The following FAM110B variants were observed in gnomAD, a reference collection of about 807,000 sequenced individuals.
The protein encoded by FAM110B is protein FAM110B.
Under a neutral mutation model 20.4 loss-of-function variants are expected in FAM110B, and 6 were observed. The ratio of observed to expected loss-of-function variants is 0.29; its 90% CI spans 0.16 to 0.58. FAM110B has a LOEUF of 0.58. Among genes scored for constraint, FAM110B ranks in the 20% least tolerant of loss-of-function variants. The pLI is 0.90. For missense variants in FAM110B, 434 were observed against 498.2 expected (o/e 0.87, Z 1.23); for synonymous variants, 226 against 214.1 (o/e 1.06, Z -0.49).
At chr8:58,003,110 G>A (rs1014345216) in intron 1 of FAM110B, among the ~76,000 whole-genome samples, 3 of 152,232 alleles carry the variant, frequency 2.0e-5, no homozygotes, top group Non-Finnish European at 4.4e-5. Context: ...CCTTTCAACA[G>A]TGTTTAGAGC....
At chr8:58,034,474 C>T (rs1805034476) in intron 2 of FAM110B, among the ~76,000 whole-genome samples, 1 of 152,202 alleles carries the variant, frequency 6.6e-6, no homozygotes, top group African/African-American at 2.4e-5. Context: ...GAGAGCCACA[C>T]TCCTCAGTGC....
intron 3 of FAM110B, among the ~76,000 whole-genome samples, chr8:58,077,913 G>A (rs1246967271): frequency 6.6e-6 from 1 of 152,198 alleles, no homozygotes; most frequent in African/African-American, 2.4e-5. Flanking sequence ...TTAAGTCAAT[G>A]TGTGCAAGTT....
Position 58,037,090 on chromosome 8 carries a change from G to C in FAM110B, c.-414+5387G>C, listed in dbSNP as rs1040648565. ...GTTTGAAAACATCAAAGTATTGATA[G>C]ACCCTTCATGTATTAATGCCGTTAA... is the stretch of plus-strand genomic sequence containing the variant. On this transcript the variant is annotated intron_variant, in intron 2 of 3. Transcript: ENST00000519262. Among the ~76,000 whole-genome samples, 5 of 152,088 alleles carry C rather than the reference G, an allele frequency of 3.3e-5. No homozygotes were observed. The South Asian group carries it at 8.3e-4, about 25-fold the overall frequency.
intron 3 of FAM110B, among the ~76,000 whole-genome samples, chr8:58,101,494 T>C (rs974034932): frequency 3.3e-5 from 5 of 152,196 alleles, no homozygotes; most frequent in African/African-American, 1.2e-4. Context: ...GCAGGTGAAC[T>C]CTCTAAACAT....
intron 2 of FAM110B, among the ~76,000 whole-genome samples, chr8:58,037,246 G>A (rs147778391): frequency 6.6e-6 from 1 of 152,010 alleles, no homozygotes; most frequent in African/African-American, 2.4e-5. Context: ...TTAGTGATTT[G>A]AGGTTTTATA....
rs530592139 is a variant in FAM110B at position 58,080,234 on chromosome 8, C to T, written c.-325+4611C>T. The stretch of plus-strand genomic sequence containing the variant: ...CTTTACAATATCAGGGTCATACATG[C>T]AACAGGAAAGTCGGTTGAGGGAAGT... On this transcript the variant is annotated intron_variant, in intron 3 of 3. Coordinates refer to ENST00000519262, the MANE Select transcript of FAM110B (RefSeq NM_001377989.1). Among the ~76,000 whole-genome samples the T allele has an allele frequency of 5.3e-5, 8 of 152,282 alleles. No homozygotes were observed. In the South Asian group the frequency reaches 1.7e-3, roughly 32 times the overall value.
At chr8:58,033,789 C>G (rs969880116) in intron 2 of FAM110B, among the ~76,000 whole-genome samples, 2 of 152,024 alleles carry the variant, frequency 1.3e-5, no homozygotes, top group African/African-American at 4.8e-5. Context: ...AGTGTTTTTT[C>G]ATCTGTCATT....
At chr8:58,087,697 G>A (rs1806372580) in intron 3 of FAM110B, among the ~76,000 whole-genome samples, 1 of 152,136 alleles carries the variant, frequency 6.6e-6, no homozygotes. Context: ...AAGGCTGATG[G>A]GGATTGAGAT....
At chr8:58,120,476 A>T (rs1001211546) in intron 3 of FAM110B, among the ~76,000 whole-genome samples, 1 of 152,226 alleles carries the variant, frequency 6.6e-6, no homozygotes, top group African/African-American at 2.4e-5. Context: ...TAACTCCACC[A>T]ACAGCCATTA....
chr8:58,137,219 G>T (rs888483856), intron 3 of FAM110B, among the ~76,000 whole-genome samples: 1 of 152,106 alleles, frequency 6.6e-6, no homozygotes, highest in African/African-American at 2.4e-5. Context: ...ATCTAATGAT[G>T]GTGATTATCA....
intron 2 of FAM110B, among the ~76,000 whole-genome samples, chr8:58,036,402 T>C (rs1805074669): frequency 6.6e-6 from 1 of 152,196 alleles, no homozygotes; most frequent in Admixed American, 6.5e-5. Context: ...TTCCTCATGG[T>C]GGAAATCTAA....
chr8:58,060,654 A>G (rs1378168568), intron 2 of FAM110B, among the ~76,000 whole-genome samples: 1 of 152,220 alleles, frequency 6.6e-6, no homozygotes, highest in Non-Finnish European at 1.5e-5. Flanking sequence ...ATTTTGCAAA[A>G]AGTAAAATGA....
At chr8:58,122,252 CTCTT>C (rs1232939543) in intron 3 of FAM110B, among the ~76,000 whole-genome samples, 1 of 152,154 alleles carries the variant, frequency 6.6e-6, no homozygotes, top group Non-Finnish European at 1.5e-5. Context: ...TTAAGATCCT[CTCTT>C]TGTCTCTGGT....
chr8:58,082,003 A>T (rs1337418489), intron 3 of FAM110B, among the ~76,000 whole-genome samples: 2 of 152,200 alleles, frequency 1.3e-5, no homozygotes, highest in African/African-American at 4.8e-5. Context: ...TTCATCAAAG[A>T]ACCTAGGCTC....
intron 2 of FAM110B, among the ~76,000 whole-genome samples, chr8:58,058,784 A>G (rs908965165): frequency 6.6e-6 from 1 of 152,230 alleles, no homozygotes; most frequent in Non-Finnish European, 1.5e-5. Context: ...AAAACTTTAT[A>G]GTAATACCAT....
At position 58,146,345 on chromosome 8, in the gene FAM110B, A is replaced by T; in HGVS notation, c.115A>T (p.Arg39Trp). 6.2e-7 allele frequency: 1 copy of T among 1,614,034 alleles called. No homozygotes were observed. The highest frequency in any genetic ancestry group is 8.5e-7 in the Non-Finnish European group (1 of 1,179,990). Residue 39 changes from arginine to tryptophan, a missense_variant, in exon 4 of 4, where the codon AGG becomes TGG. Physicochemically the swap from Arg to Trp is moderately radical, Grantham distance 101. Around this residue, in one of 3 missense-constraint regions of FAM110B, gnomAD observed 56 missense variants for 82.1 expected, o/e 0.68. Coordinates refer to ENST00000519262, the MANE Select transcript of FAM110B (RefSeq NM_001377989.1). ...ILNKGPDYFRRQAEPNPKRLS... is the reference protein window; with the variant it reads ...ILNKGPDYFRWQAEPNPKRLS... ...GAACAAGGGGCCAGACTACTTCCGC[A>T]GGCAGGCCGAGCCCAACCCCAAGAG...
intron 2 of FAM110B, among the ~76,000 whole-genome samples, chr8:58,048,162 T>G (rs1016806252): frequency 1.3e-5 from 2 of 152,194 alleles, no homozygotes; most frequent in African/African-American, 4.8e-5. Flanking sequence ...TGTAGTGGTT[T>G]TTCTCTAACT....
intron 2 of FAM110B, among the ~76,000 whole-genome samples, chr8:58,075,279 G>T (rs1314967543): frequency 3.9e-4 from 56 of 143,906 alleles, no homozygotes; most frequent in Admixed American, 1.1e-3. Flanking sequence ...TTTTTTTTGT[G>T]TGTGTGTGTG....
intron 3 of FAM110B, among the ~76,000 whole-genome samples, chr8:58,089,661 T>C (rs1254686108): frequency 6.6e-6 from 1 of 152,228 alleles, no homozygotes; most frequent in Non-Finnish European, 1.5e-5. Context: ...AATGATAGGA[T>C]ACAGACATTT....
Sources: allele counts gnomAD v4.1 joint callset (sites outside exome capture counted in the v4.1 genomes callset), GRCh38; gene constraint gnomAD v4.1.1; regional missense constraint gnomAD v4.1.1; transcripts MANE v1.5; gene names NCBI Gene and HGNC (gene_info 2026-07-23, HGNC 2026-07-21).